Variants in PAMR1 observed in about 807,000 individuals in gnomAD.
PAMR1 encodes peptidase domain containing associated with muscle regeneration 1, also known as inactive serine protease PAMR1.
PAMR1 carries 88 observed loss-of-function variants against 81.8 expected under a neutral mutation model. The ratio of observed to expected loss-of-function variants is 1.08; its 90% CI spans 0.91 to 1.28. The LOEUF (loss-of-function observed/expected upper bound fraction) is 1.28, where lower values mean the gene tolerates loss of function less well. Ranked by LOEUF, PAMR1 falls within the 50% of genes most tolerant of loss-of-function variation. PAMR1 has a pLI of 0.00. For missense variants in PAMR1, 935 were observed against 919.7 expected (o/e 1.02, Z -0.21); for synonymous variants, 336 against 345.3 (o/e 0.97, Z 0.30).
chr11:35,526,708 T>G (rs1243083060), upstream of PAMR1, among the ~76,000 whole-genome samples: 1 of 152,210 alleles, frequency 6.6e-6, no homozygotes, highest in East Asian at 1.9e-4. Context: ...CACTAGGCTA[T>G]AGAGCTTCTT....
chr11:35,447,202 C>CT (rs35773880), intron 6 of PAMR1, among the ~76,000 whole-genome samples: 36,963 of 123,200 alleles, frequency 0.3, 6,910 homozygotes, highest in East Asian at 0.44. Context: ...TCCTCCATCC[C>CT]TTTTTTTTTT....
At position 35,474,785 on chromosome 11, in the gene PAMR1, C is replaced by A. The variant is rs376715566; in HGVS notation, c.380-41G>T. 5 of 1,388,966 alleles carry A rather than the reference C, an allele frequency of 3.6e-6. No individual in the cohort carries two copies. In the African/African-American group the frequency reaches 4.3e-5, roughly 12 times the overall value. The allele number at this position is 1,388,966 out of a possible 1,614,324, so 86.0% of individuals were successfully genotyped here. On this transcript the variant is annotated intron_variant, in intron 3 of 10. Transcript: ENST00000619888. ...AAGATTGGGACATAAAAATGGAGGT[C>A]AATAGGAAAGAGACTAGAGAAGGTC...
chr11:35,478,956 A>C (rs1850332244), intron 3 of PAMR1, among the ~76,000 whole-genome samples: 3 of 152,138 alleles, frequency 2.0e-5, no homozygotes, highest in Non-Finnish European at 4.4e-5. Flanking sequence ...CTACGTGCCC[A>C]AACAGGAGGG....
intron 6 of PAMR1, among the ~76,000 whole-genome samples, chr11:35,460,752 C>T (rs1856635469): frequency 6.6e-6 from 1 of 152,146 alleles, no homozygotes; most frequent in Non-Finnish European, 1.5e-5. Flanking sequence ...GGTTCCAAGT[C>T]TTTGCTATTG....
chr11:35,522,201 C>T (rs1323574650), intron 1 of PAMR1, among the ~76,000 whole-genome samples: 1 of 152,212 alleles, frequency 6.6e-6, no homozygotes, highest in Non-Finnish European at 1.5e-5. Flanking sequence ...GGATTATAGG[C>T]ATGAGCCACT....
chr11:35,475,715 G>A (rs1850272996), intron 3 of PAMR1, among the ~76,000 whole-genome samples: 1 of 152,172 alleles, frequency 6.6e-6, no homozygotes, highest in Admixed American at 6.5e-5. Context: ...ACAGCCCACT[G>A]CCTCCTTTTG....
At chr11:35,528,093 T>C (rs575461516), upstream of PAMR1, among the ~76,000 whole-genome samples, 7 of 151,712 alleles carry the variant, frequency 4.6e-5, no homozygotes, top group African/African-American at 1.7e-4. Context: ...AGAATGGGGC[T>C]CTAAGTGATG....
intron 1 of PAMR1, among the ~76,000 whole-genome samples, chr11:35,507,360 C>T (rs1850983690): frequency 6.6e-6 from 1 of 152,094 alleles, no homozygotes. Flanking sequence ...AATAGCCTGA[C>T]TTTGAACTCA....
Position 35,496,032 on chromosome 11 carries a change from A to G in PAMR1, c.74-1760T>C, listed in dbSNP as rs1276084814. 3.3e-5 allele frequency among the ~76,000 whole-genome samples: 5 copies of G among 152,230 alleles called. No homozygotes were observed. In the South Asian group the frequency reaches 8.3e-4, roughly 25 times the overall value. On this transcript the variant is annotated intron_variant, in intron 1 of 10. Transcript: ENST00000619888. ...GCCACTGAGATTTCTTTCCACCACT[A>G]CTGTCTGAGCCCCTTCAGGGTGACC...
upstream of PAMR1, among the ~76,000 whole-genome samples, chr11:35,527,709 T>C (rs898604500): frequency 6.6e-6 from 1 of 152,188 alleles, no homozygotes; most frequent in African/African-American, 2.4e-5. Context: ...CAACTCCAGC[T>C]GACGGCACCT....
chr11:35,440,627 C>T (rs1382667782), intron 7 of PAMR1, among the ~76,000 whole-genome samples: 3 of 152,126 alleles, frequency 2.0e-5, no homozygotes, highest in African/African-American at 7.2e-5. Context: ...AGGATGTTAA[C>T]CTGAAGCAAC....
Position 35,472,843 on chromosome 11 carries a change from C to T in PAMR1, c.494+1787G>A, listed in dbSNP as rs543663118. Among the ~76,000 whole-genome samples, 9 of 152,240 alleles carry T rather than the reference C, an allele frequency of 5.9e-5. No individual in the cohort carries two copies. In the East Asian group the frequency reaches 9.6e-4, roughly 16 times the overall value. ...ATCTGAGGCCAGTGAGGGCAGCCTG[C>T]GATAGATCTTGTGTGGTAAGGAATC... is the stretch of plus-strand genomic sequence containing the variant. On this transcript the variant is annotated intron_variant, in intron 4 of 10. Transcript: ENST00000619888.
chr11:35,506,024 A>AT (rs554917614), intron 1 of PAMR1, among the ~76,000 whole-genome samples: 7 of 150,738 alleles, frequency 4.6e-5, no homozygotes, highest in East Asian at 1.9e-4. Context: ...TCTATTACAG[A>AT]TTTTTTTTCA....
rs1401989574 is a variant in PAMR1, at chr11:35,474,572, A to G, written c.494+58T>C. ...GGATCCCAGTGACCAAGAGCCTTCC[A>G]TCCCATTTCTGTATCCTTATAACCT... is the stretch of plus-strand genomic sequence containing the variant. On this transcript the variant is annotated intron_variant, in intron 4 of 10. Coordinates refer to ENST00000619888, the MANE Select transcript of PAMR1 (RefSeq NM_001001991.3). 3 of 972,018 alleles carry G rather than the reference A, an allele frequency of 3.1e-6. No homozygotes were observed. The East Asian group carries it at 7.7e-5, about 25-fold the overall frequency. 60.2% of individuals were successfully genotyped at this position (972,018 alleles called of 1,614,324 possible).
intron 4 of PAMR1, among the ~76,000 whole-genome samples, chr11:35,472,017 G>C (rs927374347): frequency 2.6e-5 from 4 of 152,232 alleles, no homozygotes; most frequent in Non-Finnish European, 4.4e-5. Context: ...TTGATTGTAA[G>C]TGTTCTAAAA....
chr11:35,441,340 C>T, intron 7 of PAMR1, 141 bp downstream of exon 7: 1 of 668,290 alleles, frequency 1.5e-6, no homozygotes, highest in Non-Finnish European at 2.6e-6. Flanking sequence ...GGATGGTTTC[C>T]AACCTCAGAG....
At chr11:35,459,095 G>C (rs1856596951) in intron 6 of PAMR1, among the ~76,000 whole-genome samples, 1 of 152,118 alleles carries the variant, frequency 6.6e-6, no homozygotes, top group Non-Finnish European at 1.5e-5. Context: ...ATTATGCTTG[G>C]ATTGCACACA....
chr11:35,503,820 T>C (rs2135411134), intron 1 of PAMR1, among the ~76,000 whole-genome samples: 1 of 152,254 alleles, frequency 6.6e-6, no homozygotes, highest in Middle Eastern at 3.4e-3. Context: ...CAAGCAAGGC[T>C]AATTTGACTT....
chr11:35,520,925 C>A (rs1410718621), intron 1 of PAMR1, among the ~76,000 whole-genome samples: 1 of 152,226 alleles, frequency 6.6e-6, no homozygotes, highest in Non-Finnish European at 1.5e-5. Context: ...CCATTTCTGT[C>A]TAGCCAGTAT....
Sources: allele counts gnomAD v4.1 joint callset (sites outside exome capture counted in the v4.1 genomes callset), GRCh38; gene constraint gnomAD v4.1.1; transcripts MANE v1.5; gene names NCBI Gene and HGNC (gene_info 2026-07-23, HGNC 2026-07-21).